The following MBNL2 variants were observed in gnomAD, a reference collection of about 807,000 sequenced individuals.
The protein encoded by MBNL2 is muscleblind like splicing regulator 2, also known as muscleblind-like protein 2.
Under a neutral mutation model 41.9 loss-of-function variants are expected in MBNL2, and 17 were observed. The observed-to-expected ratio is 0.41, with a 90% CI of 0.28 to 0.61. The LOEUF is 0.61. MBNL2 is among the 20% of genes least tolerant of loss of function. The probability of loss-of-function intolerance (pLI) is 0.35; values close to 1 mark genes in which losing one functional copy is unlikely to be tolerated. For synonymous variants in MBNL2, 195 were observed against 182.9 expected (o/e 1.07, Z -0.53); for missense variants, 336 against 505.6 (o/e 0.66, Z 3.22).
chr13:97,314,767 G>A (rs1366022771), intron 2 of MBNL2, among the ~76,000 whole-genome samples: 2 of 152,142 alleles, frequency 1.3e-5, no homozygotes, highest in Non-Finnish European at 2.9e-5. Flanking sequence ...GAGGAGGTTG[G>A]ATAAACAGAG....
chr13:97,159,700 T>C, the MBNL2 span, among the ~76,000 whole-genome samples: 3 of 151,288 alleles, frequency 2.0e-5, no homozygotes, highest in Non-Finnish European at 3.0e-5. Context: ...AAAATTCTTT[T>C]CTTTAAGAAT....
intron 5 of MBNL2, among the ~76,000 whole-genome samples, chr13:97,354,670 A>C (rs190606688): frequency 6.6e-6 from 1 of 152,368 alleles, no homozygotes; most frequent in African/African-American, 2.4e-5. Context: ...ACAATCCTAA[A>C]GGGAAATATT....
chr13:97,256,672 T>C (rs550511717), intron 1 of MBNL2, among the ~76,000 whole-genome samples: 1 of 152,288 alleles, frequency 6.6e-6, no homozygotes, highest in South Asian at 2.1e-4. Context: ...TTTTAAGTCC[T>C]CCAAATCTTC....
chr13:97,282,020 C>T (rs1459110191), intron 2 of MBNL2, among the ~76,000 whole-genome samples: 1 of 150,328 alleles, frequency 6.7e-6, no homozygotes, highest in African/African-American at 2.4e-5. Context: ...TAATAATATT[C>T]ATATGTAACA....
chr13:97,350,115 G>C lies in MBNL2; in HGVS notation c.804+3048G>C, dbSNP rs978448169. Among the ~76,000 whole-genome samples, 16 of 152,150 alleles carry C rather than the reference G, an allele frequency of 1.1e-4. No individual in the cohort carries two copies. In the South Asian group the frequency reaches 1.5e-3, roughly 14 times the overall value. On this transcript the variant is annotated intron_variant, in intron 5 of 8. Coordinates refer to ENST00000679496, the MANE Select transcript of MBNL2 (RefSeq NM_001382683.1). The stretch of plus-strand genomic sequence containing the variant: ...CAGTTCCAGACCACTGCAATGAAGC[G>C]AGTATCACAATAGAACAAATCACAT...
intron 1 of MBNL2, among the ~76,000 whole-genome samples, chr13:97,263,352 A>G (rs2049018888): frequency 6.6e-6 from 1 of 152,190 alleles, no homozygotes; most frequent in Admixed American, 6.5e-5. Flanking sequence ...AGATCCTGCC[A>G]GTGTTCCCCA....
chr13:97,362,351 G>A (rs554314829), intron 7 of MBNL2, among the ~76,000 whole-genome samples: 1 of 152,108 alleles, frequency 6.6e-6, no homozygotes, highest in Non-Finnish European at 1.5e-5. Flanking sequence ...GTAGAGTTCA[G>A]TGAGATTAAA....
chr13:97,188,205 G>A, the MBNL2 span, among the ~76,000 whole-genome samples: 1 of 152,136 alleles, frequency 6.6e-6, no homozygotes, highest in Non-Finnish European at 1.5e-5. Flanking sequence ...GAGGGGGTGT[G>A]ATCCCATCAC....
At chr13:97,361,937 T>G (rs563930563) in intron 7 of MBNL2, among the ~76,000 whole-genome samples, 1 of 151,296 alleles carries the variant, frequency 6.6e-6, no homozygotes, top group African/African-American at 2.4e-5. Context: ...ACCTGGCTAA[T>G]TTTTTTTGTA....
intron 1 of MBNL2, among the ~76,000 whole-genome samples, chr13:97,255,302 TA>T (rs2047316272): frequency 6.6e-6 from 1 of 152,250 alleles, no homozygotes; most frequent in South Asian, 2.1e-4. Flanking sequence ...ATCTTTGCTC[TA>T]ATATAAAAAA....
At chr13:97,352,449 G>A (rs1338734189) in intron 5 of MBNL2, among the ~76,000 whole-genome samples, 5 of 152,192 alleles carry the variant, frequency 3.3e-5, no homozygotes, top group Non-Finnish European at 1.5e-5. Flanking sequence ...GAGGCCTGAG[G>A]AAGGAGAGAG....
At chr13:97,263,793 T>A (rs1000284435) in intron 1 of MBNL2, among the ~76,000 whole-genome samples, 2 of 151,978 alleles carry the variant, frequency 1.3e-5, no homozygotes, top group Non-Finnish European at 2.9e-5. Flanking sequence ...AATTTTTGTA[T>A]TTTTAGTAGA....
chr13:97,211,461 C>T, the MBNL2 span, among the ~76,000 whole-genome samples: 1 of 152,152 alleles, frequency 6.6e-6, no homozygotes, highest in Non-Finnish European at 1.5e-5. Context: ...AAGGGACCTG[C>T]TAACAGAGTT....
At chr13:97,330,409 C>T (rs1442893310) in intron 2 of MBNL2, among the ~76,000 whole-genome samples, 4 of 152,220 alleles carry the variant, frequency 2.6e-5, no homozygotes, top group Non-Finnish European at 4.4e-5. Flanking sequence ...GAAGCTGCAC[C>T]AGTCCCTGCC....
At chr13:97,145,491 T>A in the MBNL2 span, among the ~76,000 whole-genome samples, 1 of 152,048 alleles carries the variant, frequency 6.6e-6, no homozygotes, top group African/African-American at 2.4e-5. Flanking sequence ...AGAACCTAGG[T>A]GTCTGAGGAT....
intron 1 of MBNL2, among the ~76,000 whole-genome samples, chr13:97,249,700 G>T (rs538925698): frequency 1.2e-4 from 18 of 152,228 alleles, no homozygotes; most frequent in African/African-American, 4.3e-4. Flanking sequence ...CCCTAGAAGT[G>T]CGAGCTTTAG....
intron 1 of MBNL2, among the ~76,000 whole-genome samples, chr13:97,235,519 G>A: frequency 6.6e-6 from 1 of 152,222 alleles, no homozygotes; most frequent in Non-Finnish European, 1.5e-5. Flanking sequence ...GAATTCTTGT[G>A]AGTCCCCTTA....
upstream of MBNL2, among the ~76,000 whole-genome samples, chr13:97,219,165 C>T (rs1255946013): frequency 3.9e-5 from 6 of 151,964 alleles, no homozygotes; most frequent in South Asian, 6.2e-4. Flanking sequence ...TTAACAAGAC[C>T]CCTGGGAGAT....
intron 1 of MBNL2, among the ~76,000 whole-genome samples, chr13:97,274,470 CTGGGTGACAGGGTCCAGTG>C (rs1256844190): frequency 6.6e-6 from 1 of 151,898 alleles, no homozygotes; most frequent in Non-Finnish European, 1.5e-5. Flanking sequence ...GCACTCTAGC[CTGGGTGACAGGGTCCAGTG>C]TGGGTGACAG....
Sources: allele counts gnomAD v4.1 joint callset (sites outside exome capture counted in the v4.1 genomes callset), GRCh38; gene constraint gnomAD v4.1.1; transcripts MANE v1.5; gene names NCBI Gene and HGNC (gene_info 2026-07-23, HGNC 2026-07-21).